PRR16: variants seen among roughly 807,000 people sequenced by gnomAD.
The protein encoded by PRR16 is proline rich 16, also known as protein Largen.
Under a neutral mutation model 18.2 loss-of-function variants are expected in PRR16, and 6 were observed. The observed-to-expected ratio is 0.33, with a 90% confidence interval of 0.18 to 0.65. The LOEUF is 0.65. Ranked by LOEUF, PRR16 falls within the 30% of genes least tolerant of loss-of-function variation. The pLI, the probability that PRR16 is intolerant of heterozygous loss-of-function variation, is 0.74. For missense variants in PRR16, 412 were observed against 376.6 expected, an observed-to-expected ratio of 1.09 and a Z score of -0.78; for synonymous variants, 151 against 147.8, an observed-to-expected ratio of 1.02 and a Z score of -0.16.
intron 1 of PRR16, among the ~76,000 whole-genome samples, chr5:120,580,982 A>G (rs1443395764): frequency 6.6e-6 from 1 of 151,574 alleles, no homozygotes; most frequent in African/African-American, 2.4e-5. Context: ...GGCCTGAAGT[A>G]TTTTGTGTGT....
At chr5:120,496,891 C>G (rs1750262962) in intron 1 of PRR16, among the ~76,000 whole-genome samples, 1 of 151,992 alleles carries the variant, frequency 6.6e-6, no homozygotes, top group Non-Finnish European at 1.5e-5. Flanking sequence ...CATATAGTGA[C>G]TTGTTGTATT....
intron 1 of PRR16, among the ~76,000 whole-genome samples, chr5:120,498,286 G>A (rs977874619): frequency 6.7e-6 from 1 of 148,780 alleles, no homozygotes; most frequent in African/African-American, 2.5e-5. Flanking sequence ...ATATATGTGT[G>A]TGTATATATA....
At chr5:120,487,298 T>G (rs2112819807) in intron 1 of PRR16, among the ~76,000 whole-genome samples, 1 of 152,296 alleles carries the variant, frequency 6.6e-6, no homozygotes, top group South Asian at 2.1e-4. Flanking sequence ...GTTCTTCCAT[T>G]TGTTTGCATC....
At chr5:120,689,930 A>C (rs1757190009), downstream of PRR16, among the ~76,000 whole-genome samples, 1 of 152,146 alleles carries the variant, frequency 6.6e-6, no homozygotes, top group South Asian at 2.1e-4. Context: ...CTTAAGCCAA[A>C]TCTAAAAATA....
At chr5:120,597,806 A>G (rs1316309598) in intron 1 of PRR16, among the ~76,000 whole-genome samples, 4 of 151,774 alleles carry the variant, frequency 2.6e-5, no homozygotes, top group African/African-American at 9.7e-5. Flanking sequence ...AATCTTCTAA[A>G]TATTTTTGGA....
At chr5:120,704,030 G>A in the PRR16 span, among the ~76,000 whole-genome samples, 1 of 152,150 alleles carries the variant, frequency 6.6e-6, no homozygotes, top group African/African-American at 2.4e-5. Flanking sequence ...AATAGAATTT[G>A]GGGCTTTTGT....
At chr5:120,765,115 C>CGT in the PRR16 span, among the ~76,000 whole-genome samples, 1 of 120,952 alleles carries the variant, frequency 8.3e-6, no homozygotes, top group African/African-American at 4.0e-5. Context: ...CTTATAACAC[C>CGT]ATAAAAGAGA....
the PRR16 span, among the ~76,000 whole-genome samples, chr5:120,771,200 ATATT>A: frequency 5.9e-5 from 9 of 152,182 alleles, no homozygotes; most frequent in South Asian, 1.2e-3. Context: ...CTTTAAATAT[ATATT>A]AAACATTTTA....
intron 1 of PRR16, among the ~76,000 whole-genome samples, chr5:120,490,923 G>T (rs907569058): frequency 1.1e-4 from 17 of 152,182 alleles, no homozygotes; most frequent in Non-Finnish European, 2.2e-4. Flanking sequence ...GTCCACTCCA[G>T]ACCCTGTTTG....
At chr5:120,595,082 A>G (rs1473202019) in intron 1 of PRR16, among the ~76,000 whole-genome samples, 1 of 152,114 alleles carries the variant, frequency 6.6e-6, no homozygotes, top group African/African-American at 2.4e-5. Flanking sequence ...AGTTGCCAAA[A>G]GCAATTGCAA....
chr5:120,753,870 TTA>T, the PRR16 span, among the ~76,000 whole-genome samples: 34 of 126,642 alleles, frequency 2.7e-4, no homozygotes, highest in Non-Finnish European at 2.9e-4. Context: ...ATCTTATATA[TTA>T]TATATTTATA....
chr5:120,658,607 G>A (rs1756066509), intron 1 of PRR16, among the ~76,000 whole-genome samples: 1 of 151,818 alleles, frequency 6.6e-6, no homozygotes, highest in South Asian at 2.1e-4. Flanking sequence ...TCTAGTAGAA[G>A]CTTTGAAATT....
At chr5:120,759,897 G>A in the PRR16 span, among the ~76,000 whole-genome samples, 3 of 151,550 alleles carry the variant, frequency 2.0e-5, no homozygotes, top group Non-Finnish European at 2.9e-5. Context: ...GAAGGTTGGG[G>A]GATCCCAAAA....
intron 1 of PRR16, among the ~76,000 whole-genome samples, chr5:120,575,318 A>AACACAC (rs3047956): frequency 0.034 from 4,632 of 138,206 alleles, 172 homozygotes; most frequent in African/African-American, 0.084. Flanking sequence ...CAGACAAGGA[A>AACACAC]ACACACACAC....
intron 1 of PRR16, among the ~76,000 whole-genome samples, chr5:120,646,169 C>T (rs1222222341): frequency 6.7e-6 from 1 of 149,920 alleles, no homozygotes; most frequent in Non-Finnish European, 1.5e-5. Context: ...TGACAATAAT[C>T]TCTGTGGTTA....
the PRR16 span, among the ~76,000 whole-genome samples, chr5:120,782,457 A>G: frequency 6.6e-6 from 1 of 152,160 alleles, no homozygotes; most frequent in African/African-American, 2.4e-5. Flanking sequence ...TGGGACAGTG[A>G]CACGTGACTA....
At chr5:120,514,009 C>T (rs1471386230) in intron 1 of PRR16, among the ~76,000 whole-genome samples, 5 of 152,104 alleles carry the variant, frequency 3.3e-5, no homozygotes, top group Admixed American at 2.0e-4. Context: ...CCACCCACCT[C>T]GGCCTCCCAA....
chr5:120,740,401 C>A, the PRR16 span, among the ~76,000 whole-genome samples: 1 of 152,104 alleles, frequency 6.6e-6, no homozygotes, highest in Non-Finnish European at 1.5e-5. Flanking sequence ...CCATGTGAAA[C>A]TTATAAATAA....
the PRR16 span, among the ~76,000 whole-genome samples, chr5:120,709,307 G>T: frequency 8.6e-5 from 13 of 151,818 alleles, no homozygotes; most frequent in Non-Finnish European, 1.6e-4. Flanking sequence ...GCACCCGGCC[G>T]CAATTAAGCT....
Sources: gnomAD v4.1 joint callset for allele counts (sites outside exome capture counted in the v4.1 genomes callset) on GRCh38, gnomAD v4.1.1 for gene constraint, MANE v1.5 for transcripts, NCBI Gene and HGNC (gene_info 2026-07-23, HGNC 2026-07-21) for gene names.